The following KCNN3 variants were observed in gnomAD, a reference collection of about 807,000 sequenced individuals.
The protein encoded by KCNN3 is small conductance calcium-activated potassium channel protein 3.
Under a neutral mutation model 62.9 loss-of-function variants are expected in KCNN3, and 16 were observed. That is an observed-to-expected ratio of 0.25 (90% CI 0.17 to 0.39). KCNN3 has a LOEUF of 0.39. KCNN3 is among the 10% of genes least tolerant of loss of function. The pLI is 1.00. For missense variants in KCNN3, 599 were observed against 949.4 expected, an observed-to-expected ratio of 0.63 and a Z score of 4.85; for synonymous variants, 370 against 389.2, an observed-to-expected ratio of 0.95 and a Z score of 0.58.
At chr1:154,836,464 G>A (rs1252793754) in intron 1 of KCNN3, among the ~76,000 whole-genome samples, 1 of 152,196 alleles carries the variant, frequency 6.6e-6, no homozygotes. Context: ...CCCCAAGCAG[G>A]GAATGCCCCA....
intron 4 of KCNN3, among the ~76,000 whole-genome samples, chr1:154,728,692 G>T (rs1487528992): frequency 4.6e-5 from 7 of 152,124 alleles, no homozygotes; most frequent in Admixed American, 4.6e-4. Flanking sequence ...GAAGGTGGGT[G>T]CAGGGAGAGG....
At chr1:154,739,014 C>T (rs1411330174) in intron 3 of KCNN3, among the ~76,000 whole-genome samples, 1 of 152,110 alleles carries the variant, frequency 6.6e-6, no homozygotes, top group Admixed American at 6.5e-5. Flanking sequence ...TTTTCATCTC[C>T]CAGAGTGGGA....
At chr1:154,763,905 G>A (rs962074132) in intron 3 of KCNN3, among the ~76,000 whole-genome samples, 6 of 152,086 alleles carry the variant, frequency 3.9e-5, no homozygotes, top group Non-Finnish European at 7.4e-5. Flanking sequence ...CTCATTTTTT[G>A]TATAAAATTC....
chr1:154,766,714 C>T (rs1332892571), intron 3 of KCNN3, among the ~76,000 whole-genome samples: 28 of 148,320 alleles, frequency 1.9e-4, no homozygotes, highest in African/African-American at 6.5e-4. Flanking sequence ...GAGTCTGGCT[C>T]TGTCACCCAG....
At chr1:154,771,079 A>G (rs1446559804) in intron 3 of KCNN3, among the ~76,000 whole-genome samples, 1 of 136,458 alleles carries the variant, frequency 7.3e-6, no homozygotes, top group African/African-American at 2.5e-5. Context: ...AAATAAATAA[A>G]TAAATAAATA....
At chr1:154,732,388 A>G (rs928686204) in intron 4 of KCNN3, among the ~76,000 whole-genome samples, 22 of 152,372 alleles carry the variant, frequency 1.4e-4, no homozygotes, top group Middle Eastern at 3.4e-3. Context: ...ATGGGATCAC[A>G]GCCTTGCCAA....
At chr1:154,737,121 C>G in intron 3 of KCNN3, 1 of 684,488 alleles carries the variant, frequency 1.5e-6, no homozygotes, top group Non-Finnish European at 2.7e-6. Flanking sequence ...GAAAAGGTTT[C>G]TAAACCTATT....
At chr1:154,827,816 T>C (rs570044498) in intron 1 of KCNN3, among the ~76,000 whole-genome samples, 46 of 151,924 alleles carry the variant, frequency 3.0e-4, no homozygotes, top group Middle Eastern at 3.4e-3. Context: ...ATAATAATAA[T>C]AACAACAACA....
In KCNN3 at chr1:154,772,435, A is replaced by T. The variant is rs1169943081; in HGVS notation, c.1030-42T>A. The T allele has an allele frequency of 2.5e-6, 4 of 1,604,788 alleles. No individual in the cohort carries two copies. The highest frequency in any genetic ancestry group is 1.7e-5 in the Admixed American group (1 of 59,488). ...GTCCATTAGTGTGGCCAGGACCAGG[A>T]AGCCCACAGCAGGGTCCAGGCAGGA... On this transcript the variant is annotated intron_variant, in intron 2 of 7. Coordinates refer to ENST00000271915, the MANE Select transcript of KCNN3 (RefSeq NM_002249.6). The surrounding 1 kb of genome is among the most constrained non-coding windows in gnomAD (Gnocchi z 5.6).
intron 3 of KCNN3, among the ~76,000 whole-genome samples, chr1:154,734,527 C>G (rs1700669280): frequency 6.6e-6 from 1 of 152,216 alleles, no homozygotes; most frequent in Admixed American, 6.5e-5. Context: ...CTCCATGCCC[C>G]CACAGGGTCT....
At chr1:154,842,874 C>T (rs1262813585) in intron 1 of KCNN3, among the ~76,000 whole-genome samples, 1 of 152,196 alleles carries the variant, frequency 6.6e-6, no homozygotes, top group Non-Finnish European at 1.5e-5. Context: ...GAAGACCTCA[C>T]TTAGAGCCCC....
chr1:154,847,110 C>T lies in KCNN3; in HGVS notation c.933+21922G>A, dbSNP rs1429020180. Among the ~76,000 whole-genome samples the T allele has an allele frequency of 2.6e-5, 4 of 152,022 alleles. No individual in the cohort carries two copies. The East Asian group carries it at 7.7e-4, about 29-fold the overall frequency. ...TCCTGTCTGCCCCCTCCCCTGCCTG[C>T]CCTCACTTGTCCGCCAAGCATCTAC... is the stretch of plus-strand genomic sequence containing the variant. On this transcript the variant is annotated intron_variant, in intron 1 of 7. Transcript: ENST00000271915.
At chr1:154,781,337 G>A (rs1390392195) in intron 2 of KCNN3, among the ~76,000 whole-genome samples, 1 of 152,206 alleles carries the variant, frequency 6.6e-6, no homozygotes, top group African/African-American at 2.4e-5. Flanking sequence ...CCATCTGTGT[G>A]TGGCAAGTCT....
chr1:154,735,679 T>G (rs1446793624), intron 3 of KCNN3, among the ~76,000 whole-genome samples: 1 of 152,200 alleles, frequency 6.6e-6, no homozygotes, highest in African/African-American at 2.4e-5. Flanking sequence ...CCCCTCCCAG[T>G]TCTGCTGTGG....
At chr1:154,771,861 T>C in intron 3 of KCNN3, 114 bp downstream of exon 3, 1 of 1,036,008 alleles carries the variant, frequency 9.7e-7, no homozygotes, top group Non-Finnish European at 1.5e-6. Flanking sequence ...CTTTCAGGTG[T>C]CTGGGTACAT....
intron 1 of KCNN3, chr1:154,859,845 T>C: frequency 6.2e-7 from 1 of 1,603,138 alleles, no homozygotes; most frequent in South Asian, 1.1e-5. Context: ...ACTTTCCTGT[T>C]AATTTGACAC....
chr1:154,867,818 C>T, intron 1 of KCNN3: 1 of 244,488 alleles, frequency 4.1e-6, no homozygotes, highest in Non-Finnish European at 6.4e-6. Context: ...TACGCACATA[C>T]ACACACACAC....
At chr1:154,781,601 C>A (rs947870025) in intron 2 of KCNN3, among the ~76,000 whole-genome samples, 1 of 152,178 alleles carries the variant, frequency 6.6e-6, no homozygotes, top group African/African-American at 2.4e-5. Context: ...GACTGGAAAT[C>A]CTTTGGATGG....
intron 3 of KCNN3, among the ~76,000 whole-genome samples, chr1:154,768,371 T>C (rs1295247634): frequency 6.6e-6 from 1 of 152,240 alleles, no homozygotes. Flanking sequence ...GTAAGAGAAG[T>C]GCTTTGCCTG....
Sources: allele counts gnomAD v4.1 joint callset (sites outside exome capture counted in the v4.1 genomes callset), GRCh38; gene constraint gnomAD v4.1.1; non-coding constraint Gnocchi (gnomAD v3.1); transcripts MANE v1.5; gene names NCBI Gene and HGNC (gene_info 2026-07-23, HGNC 2026-07-21).